NEBL: variants seen among roughly 807,000 people sequenced by gnomAD.
The protein encoded by NEBL is nebulette, also known as LIM and SH3 protein 2.
In NEBL, 122 loss-of-function variants were observed where a neutral mutation model predicts 140.2. That is an observed-to-expected ratio of 0.87 (90% CI 0.75 to 1.01). The LOEUF (loss-of-function observed/expected upper bound fraction) is 1.01. NEBL is among the 50% of genes least tolerant of loss of function. The probability of loss-of-function intolerance (pLI) is 0.00; values close to 1 mark genes in which losing one functional copy is unlikely to be tolerated. For synonymous variants in NEBL, 436 were observed against 398.9 expected (o/e 1.09, Z -1.11); for missense variants, 1,365 against 1,231.3 (o/e 1.11, Z -1.62).
At chr10:21,061,448 T>C in intron 2 of NEBL, among the ~76,000 whole-genome samples, 1 of 148,306 alleles carries the variant, frequency 6.7e-6, no homozygotes. Context: ...ATATATATCG[T>C]ATATTACATG....
intron 27 of NEBL, 21 bp from the exon 28 acceptor site, chr10:20,785,944 T>G: frequency 6.2e-7 from 1 of 1,611,274 alleles, no homozygotes; most frequent in South Asian, 1.1e-5. Context: ...AAGAAGGGAT[T>G]ATACGATGAA....
intron 26 of NEBL, chr10:20,793,463 G>A (rs926306404): frequency 1.9e-5 from 8 of 422,226 alleles, no homozygotes; most frequent in Admixed American, 6.4e-5. Context: ...TGCATATGAC[G>A]TTCAGGTCCC....
At chr10:20,875,245 T>G (rs1311658177) in intron 5 of NEBL, among the ~76,000 whole-genome samples, 1 of 152,204 alleles carries the variant, frequency 6.6e-6, no homozygotes, top group Non-Finnish European at 1.5e-5. Context: ...CCATGTCTTT[T>G]GCATGTTCCC....
At chr10:20,957,702 C>G (rs937509083) in intron 4 of NEBL, among the ~76,000 whole-genome samples, 7 of 152,116 alleles carry the variant, frequency 4.6e-5, no homozygotes, top group African/African-American at 1.4e-4. Context: ...ACGCAGAAAT[C>G]CTGACAAATC....
intron 4 of NEBL, among the ~76,000 whole-genome samples, chr10:20,923,270 G>A (rs1833682086): frequency 6.6e-6 from 1 of 152,000 alleles, no homozygotes; most frequent in African/African-American, 2.4e-5. Flanking sequence ...GTTTTGCCAT[G>A]TTGCCCACGC....
At chr10:21,262,671 G>A (rs1314324052) in intron 1 of NEBL, among the ~76,000 whole-genome samples, 1 of 152,158 alleles carries the variant, frequency 6.6e-6, no homozygotes, top group East Asian at 1.9e-4. Flanking sequence ...TCATTTCCAA[G>A]AGAAGGCCAG....
chr10:20,869,132 C>T (rs189876992), intron 6 of NEBL, among the ~76,000 whole-genome samples: 1 of 152,224 alleles, frequency 6.6e-6, no homozygotes. Context: ...ACTGTTCTGG[C>T]CATACTTGAT....
upstream of NEBL, among the ~76,000 whole-genome samples, chr10:21,179,482 C>T (rs1218589095): frequency 2.0e-5 from 3 of 151,954 alleles, no homozygotes; most frequent in Non-Finnish European, 4.4e-5. Context: ...TGACCCCCCG[C>T]TCCAGCCCCT....
chr10:20,987,719 C>T (rs903889331), intron 3 of NEBL, among the ~76,000 whole-genome samples: 7 of 152,196 alleles, frequency 4.6e-5, no homozygotes, highest in Non-Finnish European at 1.0e-4. Flanking sequence ...AGGCTAACTT[C>T]TGCATGGTGA....
At chr10:21,070,832 T>A (rs1458728002) in intron 2 of NEBL, among the ~76,000 whole-genome samples, 1 of 152,182 alleles carries the variant, frequency 6.6e-6, no homozygotes, top group Admixed American at 6.5e-5. Flanking sequence ...CATACATGTC[T>A]AAGAAGGAAA....
rs372813200 is a variant in NEBL, at chr10:21,259,099, C to A, written n.183-7271G>T. Among the ~76,000 whole-genome samples the A allele has an allele frequency of 1.7e-3, 248 of 146,226 alleles. 1 individual carries two copies. Among genetic ancestry groups the A allele is most frequent in the African/African-American group, 6.0e-3 (236 of 39,506 alleles). ...TTTTTTTTTTTAATAGCTTTTTTGT[C>A]TTTTTTGAGACAGAGTCTCTCTCTG... On this transcript the variant is annotated intron_variant and non_coding_transcript_variant, in intron 1 of 8. Coordinates refer to the NEBL transcript ENST00000675702.
chr10:20,956,426 G>A (rs1835809312), intron 4 of NEBL, among the ~76,000 whole-genome samples: 1 of 151,850 alleles, frequency 6.6e-6, no homozygotes, highest in Admixed American at 6.6e-5. Flanking sequence ...ACTATTTACT[G>A]GGAATTCATC....
At chr10:21,268,291 A>G (rs2132286763) in intron 1 of NEBL, among the ~76,000 whole-genome samples, 1 of 152,168 alleles carries the variant, frequency 6.6e-6, no homozygotes, top group Non-Finnish European at 1.5e-5. Flanking sequence ...CAATAAAGCA[A>G]GACCCCTGTC....
chr10:20,961,711 C>T (rs763906529), exon 4 of NEBL: 3 of 1,613,908 alleles, frequency 1.9e-6, no homozygotes, highest in Non-Finnish European at 2.5e-6. Context: ...GTCTCTGTAG[C>T]TCAGGAGTGT....
At chr10:21,206,665 C>G (rs760694407) in intron 3 of NEBL, among the ~76,000 whole-genome samples, 2 of 152,208 alleles carry the variant, frequency 1.3e-5, no homozygotes, top group Non-Finnish European at 2.9e-5. Context: ...AACCTCAAAT[C>G]TATCTCACCA....
intron 7 of NEBL, 37 bp downstream of exon 7, chr10:20,868,627 G>T: frequency 7.4e-7 from 1 of 1,355,890 alleles, no homozygotes; most frequent in Non-Finnish European, 1.1e-6. Context: ...CAAAATATCT[G>T]AATAAAGTCA....
At chr10:20,914,064 T>C (rs1006794636) in intron 4 of NEBL, among the ~76,000 whole-genome samples, 2 of 152,178 alleles carry the variant, frequency 1.3e-5, no homozygotes, top group African/African-American at 4.8e-5. Context: ...ATCAATCACA[T>C]ACCCTGATTA....
chr10:21,015,633 T>C (rs993223561), intron 3 of NEBL, among the ~76,000 whole-genome samples: 15 of 152,158 alleles, frequency 9.9e-5, no homozygotes, highest in African/African-American at 3.6e-4. Flanking sequence ...TGTCTCAGCC[T>C]CCTGAGTAGC....
chr10:20,783,310 G>C lies in NEBL; in HGVS notation c.*2437C>G, dbSNP rs1331097360. On this transcript the variant is annotated 3_prime_UTR_variant, in exon 28 of 28. Transcript: ENST00000377122. The stretch of plus-strand genomic sequence containing the variant: ...CAACACTACCAAATTATGGCCTCAA[G>C]AGCATGCAACATCTTGTTCAGTTTT... 1 of 152,104 alleles carries C rather than the reference G, an allele frequency of 6.6e-6. No homozygotes were observed. The highest frequency in any genetic ancestry group is 2.4e-5 in the African/African-American group (1 of 41,428). The allele number at this position is 152,104 out of a possible 1,614,324, so 9.4% of individuals were successfully genotyped here. A position where few individuals can be genotyped will look rare whatever the true frequency, so the allele number is the denominator to read the frequency against.
Sources: allele counts gnomAD v4.1 joint callset (sites outside exome capture counted in the v4.1 genomes callset), GRCh38; gene constraint gnomAD v4.1.1; transcripts MANE v1.5; gene names NCBI Gene and HGNC (gene_info 2026-07-23, HGNC 2026-07-21).